SLC27A6: variants seen among roughly 807,000 people sequenced by gnomAD.
The protein encoded by SLC27A6 is long-chain fatty acid transport protein 6.
Under a neutral mutation model 63.9 loss-of-function variants are expected in SLC27A6, and 74 were observed. The ratio of observed to expected loss-of-function variants is 1.16; its 90% CI spans 0.96 to 1.40. The LOEUF (loss-of-function observed/expected upper bound fraction) is 1.40. SLC27A6 is among the 40% of genes most tolerant of loss of function. SLC27A6 has a pLI of 0.00. For synonymous variants in SLC27A6, 287 were observed against 260.8 expected, an observed-to-expected ratio of 1.10 and a Z score of -0.97; for missense variants, 794 against 732.9, an observed-to-expected ratio of 1.08 and a Z score of -0.96.
In SLC27A6 at chr5:128,966,516, A is replaced by C. The variant is rs929201485; in HGVS notation, c.379A>C (p.Lys127Gln). The change falls in exon 1 of 10, where the codon AAG (lysine) becomes CAG (glutamine). Residue 127 changes from lysine (K) to glutamine (Q), a missense_variant. Transcript: ENST00000262462. Reference sequence around the variant, plus strand: ...CGTTCACGTGTGGTTCGGCCTCGCCAAGCTGGGCTGCGTGGTGGCCTTTCT... The same window carrying C: ...CGTTCACGTGTGGTTCGGCCTCGCCCAGCTGGGCTGCGTGGTGGCCTTTCT... ...DFVHVWFGLA[K>Q]LGCVVAFLNT... The C allele has an allele frequency of 1.9e-6, 3 of 1,605,590 alleles. No homozygotes were observed. The highest frequency in any genetic ancestry group is 2.5e-6 in the Non-Finnish European group (3 of 1,176,670).
chr5:128,986,811 A>G (rs573929264), intron 2 of SLC27A6, among the ~76,000 whole-genome samples: 2 of 152,284 alleles, frequency 1.3e-5, no homozygotes, highest in African/African-American at 4.8e-5. Context: ...GGAGGTGATG[A>G]CTGAGTGTGG....
At chr5:128,982,374 T>C (rs1750626865) in intron 1 of SLC27A6, among the ~76,000 whole-genome samples, 1 of 152,168 alleles carries the variant, frequency 6.6e-6, no homozygotes, top group East Asian at 1.9e-4. Flanking sequence ...CTCACTTTCT[T>C]TTTTCTTGCT....
At position 128,965,863 on chromosome 5, in the gene SLC27A6, G is replaced by T. The variant is rs766783299; in HGVS notation, c.-275G>T. 17 of 337,658 alleles carry T rather than the reference G, an allele frequency of 5.0e-5. No individual in the cohort carries two copies. Among genetic ancestry groups the T allele is most frequent in the Non-Finnish European group, 5.4e-5 (10 of 184,846 alleles). The allele number at this position is 337,658 out of a possible 1,614,324, so 20.9% of individuals were successfully genotyped here. On this transcript the variant is annotated 5_prime_UTR_variant, in exon 1 of 10. Transcript: ENST00000262462. ...AAGACCCCTGAGGGTGGCTGTGTTGGTTTCTCGCAGGAGTCGGAGGCTCCC... is the reference window on the plus strand; with the variant it reads ...AAGACCCCTGAGGGTGGCTGTGTTGTTTTCTCGCAGGAGTCGGAGGCTCCC...
chr5:128,992,362 T>TA (rs1751015370), intron 4 of SLC27A6, among the ~76,000 whole-genome samples: 1 of 152,206 alleles, frequency 6.6e-6, no homozygotes, highest in African/African-American at 2.4e-5. Flanking sequence ...TCTGGCCATG[T>TA]AATTTTTCAA....
At chr5:128,989,624 C>T (rs970403760) in intron 3 of SLC27A6, among the ~76,000 whole-genome samples, 2 of 152,092 alleles carry the variant, frequency 1.3e-5, no homozygotes, top group Admixed American at 6.6e-5. Context: ...TAACAGTTGA[C>T]CTCAAGATAT....
intron 4 of SLC27A6, among the ~76,000 whole-genome samples, chr5:129,015,447 TC>T (rs1231583854): frequency 6.6e-6 from 1 of 152,224 alleles, no homozygotes; most frequent in African/African-American, 2.4e-5. Context: ...GGTATTATTA[TC>T]TTTTTTAAAA....
intron 4 of SLC27A6, among the ~76,000 whole-genome samples, chr5:128,991,468 G>A (rs1750980470): frequency 6.6e-6 from 1 of 152,158 alleles, no homozygotes; most frequent in Non-Finnish European, 1.5e-5. Context: ...TTGTACTGTA[G>A]CAGGATAGGA....
intron 9 of SLC27A6, among the ~76,000 whole-genome samples, chr5:129,030,695 T>C (rs1393510770): frequency 6.6e-6 from 1 of 152,014 alleles, no homozygotes; most frequent in Non-Finnish European, 1.5e-5. Flanking sequence ...CACGCACTTA[T>C]AAGAAATAAT....
chr5:129,023,736 C>T (rs751654643), intron 6 of SLC27A6, 26 bp downstream of exon 6: 10 of 1,524,772 alleles, frequency 6.6e-6, no homozygotes, highest in Non-Finnish European at 8.1e-6. Flanking sequence ...GAAGACATCT[C>T]CTCAAGCAAA....
rs1431924170 is a variant in SLC27A6 at position 129,016,051 on chromosome 5, C to G, written c.1136C>G (p.Ala379Gly). 3 of 1,587,510 alleles carry G rather than the reference C, an allele frequency of 1.9e-6. No individual in the cohort carries two copies. Among genetic ancestry groups the G allele is most frequent in the Non-Finnish European group, 2.6e-6 (3 of 1,172,704 alleles). The part of the protein sequence containing the change: ...SFMNYTGRIG[A>G]IGRTNLFYKL... ...ATGAACTACACTGGGAGAATTGGAG[C>G]AATTGGGAGAACAAATTTGTTTTAC... Residue 379 changes from alanine (A) to glycine (G), a missense_variant, in exon 5 of 10, where the codon GCA (alanine) becomes GGA (glycine). Physicochemically the swap from Ala to Gly is moderately conservative, Grantham distance 60. Coordinates refer to ENST00000262462, the MANE Select transcript of SLC27A6 (RefSeq NM_001017372.3).
At chr5:128,973,794 C>T (rs1372067301) in intron 1 of SLC27A6, among the ~76,000 whole-genome samples, 1 of 152,194 alleles carries the variant, frequency 6.6e-6, no homozygotes, top group African/African-American at 2.4e-5. Flanking sequence ...TCCAGCAAGT[C>T]CAAATGAGAT....
At chr5:129,020,554 TAAC>T (rs932637692) in intron 5 of SLC27A6, among the ~76,000 whole-genome samples, 1 of 152,146 alleles carries the variant, frequency 6.6e-6, no homozygotes, top group African/African-American at 2.4e-5. Flanking sequence ...AATCCATAGA[TAAC>T]AACAGAATTT....
In SLC27A6 at chr5:129,006,071, G is replaced by GTTTTTTTT. The variant is rs4068575; in HGVS notation, c.970-9796_970-9789dup. ...TAAAATTTTCATTCCTGTGCACACT[G>GTTTTTTTT]TTTTTTTTTTTTTTTTTTTTTTTTT... On this transcript the variant is annotated intron_variant, in intron 4 of 9. Coordinates refer to ENST00000262462, the MANE Select transcript of SLC27A6 (RefSeq NM_001017372.3). 2.5e-4 allele frequency among the ~76,000 whole-genome samples: 15 copies of GTTTTTTTT among 60,144 alleles called. 4 individuals are homozygous for GTTTTTTTT. The South Asian group carries it at 3.0e-3, about 12-fold the overall frequency. 39.5% of individuals were successfully genotyped at this position (60,144 alleles called of 152,430 possible).
intron 1 of SLC27A6, among the ~76,000 whole-genome samples, chr5:128,968,249 T>A (rs1749988131): frequency 6.6e-6 from 1 of 152,216 alleles, no homozygotes; most frequent in African/African-American, 2.4e-5. Flanking sequence ...TATAGAGGCA[T>A]GATTTAGAAT....
At chr5:129,004,752 C>T (rs549848920) in intron 4 of SLC27A6, among the ~76,000 whole-genome samples, 3 of 152,244 alleles carry the variant, frequency 2.0e-5, no homozygotes, top group East Asian at 1.9e-4. Context: ...TCTTAGGTGA[C>T]GTACCACTAA....
intron 1 of SLC27A6, among the ~76,000 whole-genome samples, chr5:128,972,576 C>T (rs1428850893): frequency 6.6e-6 from 1 of 152,222 alleles, no homozygotes; most frequent in Non-Finnish European, 1.5e-5. Context: ...GAAGCTTATG[C>T]ATGCATCATG....
intron 4 of SLC27A6, among the ~76,000 whole-genome samples, chr5:128,996,580 A>AG (rs1366991325): frequency 9.2e-5 from 14 of 152,156 alleles, no homozygotes; most frequent in Middle Eastern, 3.4e-3. Context: ...AAGAGTTTAC[A>AG]GGTTTTTTTT....
At chr5:128,989,222 A>C (rs1271477053) in intron 3 of SLC27A6, among the ~76,000 whole-genome samples, 4 of 152,216 alleles carry the variant, frequency 2.6e-5, no homozygotes, top group Non-Finnish European at 5.9e-5. Context: ...CCACCTCTTG[A>C]AGGGAGAAGG....
At chr5:128,970,515 A>AT (rs1246565266) in intron 1 of SLC27A6, among the ~76,000 whole-genome samples, 19 of 151,780 alleles carry the variant, frequency 1.3e-4, no homozygotes, top group Non-Finnish European at 2.2e-4. Flanking sequence ...GAATTTATCC[A>AT]TTTTTTCTAG....
Sources: gnomAD v4.1 joint callset for allele counts (sites outside exome capture counted in the v4.1 genomes callset) on GRCh38, gnomAD v4.1.1 for gene constraint, MANE v1.5 for transcripts, NCBI Gene and HGNC (gene_info 2026-07-23, HGNC 2026-07-21) for gene names.